PBX1: variants seen among roughly 807,000 people sequenced by gnomAD.
PBX1 encodes pre-B-cell leukemia transcription factor 1.
PBX1 carries 6 observed loss-of-function variants against 53.4 expected under a neutral mutation model. The observed-to-expected ratio is 0.11, with a 90% confidence interval of 0.06 to 0.22. The LOEUF (loss-of-function observed/expected upper bound fraction) is 0.22, where lower values mean the gene tolerates loss of function less well. PBX1 is among the 10% of genes least tolerant of loss of function. The probability of loss-of-function intolerance (pLI) is 1.00; values close to 1 mark genes in which losing one functional copy is unlikely to be tolerated. For synonymous variants in PBX1, 204 were observed against 212.3 expected (o/e 0.96, Z 0.34); for missense variants, 251 against 551.4 (o/e 0.46, Z 5.46).
At chr1:164,777,334 A>C (rs1667721020) in intron 2 of PBX1, among the ~76,000 whole-genome samples, 1 of 152,086 alleles carries the variant, frequency 6.6e-6, no homozygotes. Flanking sequence ...GAGGTGGGAG[A>C]ATCGCTTGAA....
At chr1:164,664,797 G>C (rs1660711151) in intron 2 of PBX1, among the ~76,000 whole-genome samples, 1 of 152,140 alleles carries the variant, frequency 6.6e-6, no homozygotes, top group African/African-American at 2.4e-5. Flanking sequence ...AGATTGGGCA[G>C]GGGAACTCCC....
intron 2 of PBX1, among the ~76,000 whole-genome samples, chr1:164,778,251 A>G (rs899218196): frequency 6.6e-6 from 1 of 152,244 alleles, no homozygotes; most frequent in Non-Finnish European, 1.5e-5. Flanking sequence ...CCTGTCCCAA[A>G]AAGTGAAGTC....
chr1:164,728,091 A>G (rs1166068894), intron 2 of PBX1, among the ~76,000 whole-genome samples: 2 of 152,138 alleles, frequency 1.3e-5, no homozygotes, highest in South Asian at 2.1e-4. Context: ...TTGGGAGGCC[A>G]GAGTGGGAGA....
At chr1:164,679,228 C>T (rs1661607619) in intron 2 of PBX1, among the ~76,000 whole-genome samples, 1 of 152,162 alleles carries the variant, frequency 6.6e-6, no homozygotes, top group African/African-American at 2.4e-5. Flanking sequence ...AGAAGAGTCA[C>T]CAGGCAGGAA....
At chr1:164,637,938 G>A (rs1658882450) in intron 2 of PBX1, among the ~76,000 whole-genome samples, 2 of 152,264 alleles carry the variant, frequency 1.3e-5, no homozygotes, top group East Asian at 3.9e-4. Flanking sequence ...CAACTATCAG[G>A]TGCAAACTCA....
chr1:164,567,079 C>G (rs1328053359), intron 2 of PBX1, among the ~76,000 whole-genome samples: 1 of 151,938 alleles, frequency 6.6e-6, no homozygotes, highest in African/African-American at 2.4e-5. Context: ...CCTTATTATT[C>G]TCGCCTGCCA....
chr1:164,837,707 C>T (rs145709563), intron 8 of PBX1, among the ~76,000 whole-genome samples: 41 of 152,268 alleles, frequency 2.7e-4, no homozygotes, highest in African/African-American at 9.6e-4. Flanking sequence ...ATCAGGATAG[C>T]CTTTGGAAAA....
At chr1:164,768,668 A>G (rs1667201479) in intron 2 of PBX1, among the ~76,000 whole-genome samples, 3 of 152,208 alleles carry the variant, frequency 2.0e-5, no homozygotes, top group African/African-American at 7.2e-5. Flanking sequence ...ACAGAGAAGC[A>G]TATCATCTCT....
At chr1:164,808,941 G>A (rs1471284873) in intron 5 of PBX1, among the ~76,000 whole-genome samples, 3 of 152,132 alleles carry the variant, frequency 2.0e-5, no homozygotes, top group Admixed American at 6.5e-5. Flanking sequence ...AAACGGGAAC[G>A]TCAGCGGTCA....
At chr1:164,721,239 C>T (rs1241500383) in intron 2 of PBX1, among the ~76,000 whole-genome samples, 13 of 152,188 alleles carry the variant, frequency 8.5e-5, no homozygotes, top group South Asian at 8.3e-4. Context: ...CAGCTGAGCA[C>T]GGAGGAACAG....
At chr1:164,869,150 A>C (rs1169358850) in intron 2 of PBX1, among the ~76,000 whole-genome samples, 1 of 152,232 alleles carries the variant, frequency 6.6e-6, no homozygotes, top group Non-Finnish European at 1.5e-5. Context: ...GTTTATTTAG[A>C]ACATTGTGCA....
chr1:164,631,407 G>A lies in PBX1; in HGVS notation c.265+68096G>A, dbSNP rs537828560. Among the ~76,000 whole-genome samples the A allele has an allele frequency of 1.4e-4, 21 of 152,096 alleles. No homozygotes were observed. The South Asian group carries it at 4.4e-3, about 32-fold the overall frequency. On this transcript the variant is annotated intron_variant, in intron 2 of 8. Coordinates refer to ENST00000420696, the MANE Select transcript of PBX1 (RefSeq NM_002585.4). ...AGATTCAAGTAATAAAAGCATGGGAGCTGGAGGAGAGGGACAAAAAAATTA... is the reference window on the plus strand; with the variant it reads ...AGATTCAAGTAATAAAAGCATGGGAACTGGAGGAGAGGGACAAAAAAATTA...
At chr1:164,788,693 G>C (rs1668322066) in intron 2 of PBX1, among the ~76,000 whole-genome samples, 1 of 151,654 alleles carries the variant, frequency 6.6e-6, no homozygotes, top group African/African-American at 2.4e-5. Flanking sequence ...CATAATTTGA[G>C]TATAATTTAA....
chr1:164,697,045 A>G (rs1662837090), intron 2 of PBX1, among the ~76,000 whole-genome samples: 1 of 152,236 alleles, frequency 6.6e-6, no homozygotes, highest in Non-Finnish European at 1.5e-5. Flanking sequence ...TGGGGATAAT[A>G]TCACCTACTT....
chr1:164,674,897 A>G (rs978328631), intron 2 of PBX1: 1 of 125,906 alleles, frequency 7.9e-6, no homozygotes, highest in Non-Finnish European at 1.6e-5. Flanking sequence ...ACTTGATGGA[A>G]TGATGTTATG....
At chr1:164,834,037 G>A (rs1243486549) in intron 8 of PBX1, among the ~76,000 whole-genome samples, 1 of 144,054 alleles carries the variant, frequency 6.9e-6, no homozygotes, top group African/African-American at 2.8e-5. Context: ...ATATGTGTGT[G>A]TGTGTGTGTG....
intron 5 of PBX1, among the ~76,000 whole-genome samples, chr1:164,811,644 T>C (rs1333307955): frequency 6.6e-6 from 1 of 152,236 alleles, no homozygotes; most frequent in African/African-American, 2.4e-5. Flanking sequence ...GCATTTCTCC[T>C]GAAATGTTAG....
At chr1:164,743,385 C>G (rs1278140658) in intron 2 of PBX1, among the ~76,000 whole-genome samples, 3 of 152,022 alleles carry the variant, frequency 2.0e-5, no homozygotes, top group Non-Finnish European at 4.4e-5. Flanking sequence ...TATAATACTC[C>G]TAGCCCTTGG....
At chr1:164,790,007 T>A (rs894580791) in intron 2 of PBX1, among the ~76,000 whole-genome samples, 2 of 152,170 alleles carry the variant, frequency 1.3e-5, no homozygotes, top group African/African-American at 4.8e-5. Flanking sequence ...ATAAATTTCT[T>A]TGTGGATAAG....
Sources: gnomAD v4.1 joint callset for allele counts (sites outside exome capture counted in the v4.1 genomes callset) on GRCh38, gnomAD v4.1.1 for gene constraint, MANE v1.5 for transcripts, NCBI Gene and HGNC (gene_info 2026-07-23, HGNC 2026-07-21) for gene names.